The following DAB1 variants were observed in gnomAD, a reference collection of about 807,000 sequenced individuals.
DAB1 encodes the protein DAB adaptor protein 1, also known as disabled homolog 1.
A neutral mutation model predicts 64.6 loss-of-function variants in DAB1; 15 were observed. The observed-to-expected ratio is 0.23, with a 90% CI of 0.16 to 0.36. The LOEUF is 0.36. Ranked by LOEUF, DAB1 falls within the 10% of genes least tolerant of loss-of-function variation. DAB1 has a pLI of 1.00. For missense variants in DAB1, 596 were observed against 706.7 expected (o/e 0.84, Z 1.78); for synonymous variants, 235 against 251.9 (o/e 0.93, Z 0.64).
chr1:57,748,300 G>T (rs745352742), intron 6 of DAB1, among the ~76,000 whole-genome samples: 2 of 152,208 alleles, frequency 1.3e-5, no homozygotes, highest in Non-Finnish European at 2.9e-5. Flanking sequence ...TTAAGCCCAT[G>T]AGGCCAGACT....
intron 1 of DAB1, among the ~76,000 whole-genome samples, chr1:57,835,663 G>A (rs1010030510): frequency 6.6e-6 from 1 of 152,196 alleles, no homozygotes; most frequent in Non-Finnish European, 1.5e-5. Flanking sequence ...GCTACAGCCT[G>A]TGCAAACAAG....
At chr1:58,290,276 T>C (rs1661783600) in intron 4 of DAB1, among the ~76,000 whole-genome samples, 1 of 152,134 alleles carries the variant, frequency 6.6e-6, no homozygotes, top group African/African-American at 2.4e-5. Context: ...AAGAGCAAAC[T>C]AGGCTTTCTA....
chr1:58,221,006 T>G (rs1175504166), intron 4 of DAB1, among the ~76,000 whole-genome samples: 1 of 151,430 alleles, frequency 6.6e-6, no homozygotes, highest in Non-Finnish European at 1.5e-5. Context: ...TTTTTTTTTT[T>G]TTTTTTTTAC....
intron 3 of DAB1, among the ~76,000 whole-genome samples, chr1:58,344,741 C>T (rs190787806): frequency 6.6e-6 from 1 of 152,294 alleles, no homozygotes; most frequent in Non-Finnish European, 1.5e-5. Flanking sequence ...GAGAGGTTAA[C>T]TAACATCACT....
chr1:58,291,611 CAAT>C (rs1661839247), intron 4 of DAB1, among the ~76,000 whole-genome samples: 2 of 152,170 alleles, frequency 1.3e-5, no homozygotes, highest in African/African-American at 4.8e-5. Context: ...ACAACAGCAG[CAAT>C]AATATTTACT....
chr1:57,417,785 T>C (rs900434212), intron 1 of DAB1, among the ~76,000 whole-genome samples: 1 of 152,204 alleles, frequency 6.6e-6, no homozygotes, highest in Non-Finnish European at 1.5e-5. Flanking sequence ...AAAACCCATT[T>C]TGATGCATGT....
chr1:58,015,092 C>T (rs1321426863), intron 5 of DAB1, among the ~76,000 whole-genome samples: 1 of 152,202 alleles, frequency 6.6e-6, no homozygotes, highest in Non-Finnish European at 1.5e-5. Flanking sequence ...GCAGCTGCCC[C>T]ACTTGTAGAC....
chr1:57,777,528 T>C (rs1243334789), intron 6 of DAB1, among the ~76,000 whole-genome samples: 1 of 151,964 alleles, frequency 6.6e-6, no homozygotes, highest in Non-Finnish European at 1.5e-5. Flanking sequence ...TCAAATTCCT[T>C]TATCTTTTCT....
Position 57,275,150 on chromosome 1 carries a change from G to T in DAB1, c.67+15814C>A, listed in dbSNP as rs61767364. 8.1e-3 allele frequency among the ~76,000 whole-genome samples: 1,238 copies of T among 152,210 alleles called. 31 individuals carry two copies. The highest frequency in any genetic ancestry group is 0.08 in the East Asian group (412 of 5,164). ...AAAGAGAAAAGGATAGAGAGAAAAAGAGAGAGAGAATATAAAACTATATAC... is the reference window on the plus strand; with the variant it reads ...AAAGAGAAAAGGATAGAGAGAAAAATAGAGAGAGAATATAAAACTATATAC... On this transcript the variant is annotated intron_variant, in intron 2 of 14. Transcript: ENST00000371236.
chr1:57,852,025 C>T (rs1653547283), intron 1 of DAB1, among the ~76,000 whole-genome samples: 1 of 152,230 alleles, frequency 6.6e-6, no homozygotes, highest in East Asian at 1.9e-4. Flanking sequence ...CTGAAGGAGA[C>T]TGAGGGGGTC....
intron 1 of DAB1, among the ~76,000 whole-genome samples, chr1:57,323,338 G>A (rs908454968): frequency 6.6e-6 from 1 of 152,142 alleles, no homozygotes; most frequent in African/African-American, 2.4e-5. Flanking sequence ...TCCCAAAACA[G>A]GTGGTGACTT....
chr1:57,339,160 T>A (rs1179498905), intron 1 of DAB1, among the ~76,000 whole-genome samples: 1 of 149,650 alleles, frequency 6.7e-6, no homozygotes, highest in Non-Finnish European at 1.5e-5. Flanking sequence ...AATTAATTAT[T>A]ATTTTTTTTT....
At chr1:57,353,766 C>T (rs1159241246) in intron 1 of DAB1, among the ~76,000 whole-genome samples, 1 of 152,160 alleles carries the variant, frequency 6.6e-6, no homozygotes, top group African/African-American at 2.4e-5. Flanking sequence ...CCCCCTTCCA[C>T]ACTGTGAATA....
intron 4 of DAB1, among the ~76,000 whole-genome samples, chr1:58,192,589 C>A (rs1657445820): frequency 6.6e-6 from 1 of 152,080 alleles, no homozygotes; most frequent in Non-Finnish European, 1.5e-5. Context: ...CTGCAAAATA[C>A]ATGATTTCAT....
chr1:57,658,929 A>G (rs1450693403), intron 6 of DAB1, among the ~76,000 whole-genome samples: 1 of 152,100 alleles, frequency 6.6e-6, no homozygotes, highest in Non-Finnish European at 1.5e-5. Context: ...CAATGCTTCT[A>G]TGCAGAGTTT....
chr1:57,605,286 C>T (rs1319308194), intron 7 of DAB1, among the ~76,000 whole-genome samples: 1 of 152,164 alleles, frequency 6.6e-6, no homozygotes. Context: ...TATCATTTAT[C>T]TCCACATTCT....
Position 58,305,785 on chromosome 1 carries a change from A to G in DAB1, n.309+37567T>C, listed in dbSNP as rs77892380. On this transcript the variant is annotated intron_variant and non_coding_transcript_variant, in intron 4 of 20. Transcript: ENST00000485760. ...ATTACAAAACTAAACAGATTTTGCT[A>G]AAGGAAACATCTCAAAATCACCAAT... Among the ~76,000 whole-genome samples the G allele has an allele frequency of 2.8e-4, 42 of 152,336 alleles. 1 individual carries two copies. The East Asian group carries it at 5.0e-3, about 18-fold the overall frequency.
chr1:57,228,148 T>C (rs1667409698), intron 2 of DAB1, among the ~76,000 whole-genome samples: 1 of 152,214 alleles, frequency 6.6e-6, no homozygotes, highest in South Asian at 2.1e-4. Context: ...TAAGCCTTAA[T>C]ATCTGGGCAT....
At chr1:58,138,032 T>A (rs752392293) in intron 5 of DAB1, among the ~76,000 whole-genome samples, 1 of 152,196 alleles carries the variant, frequency 6.6e-6, no homozygotes, top group Admixed American at 6.5e-5. Context: ...CTCATAAACA[T>A]AATATTATGA....
Sources: gnomAD v4.1 joint callset for allele counts (sites outside exome capture counted in the v4.1 genomes callset) on GRCh38, gnomAD v4.1.1 for gene constraint, MANE v1.5 for transcripts, NCBI Gene and HGNC (gene_info 2026-07-23, HGNC 2026-07-21) for gene names.